COL18A1: variants seen among roughly 807,000 people sequenced by gnomAD.
The protein encoded by COL18A1 is collagen type XVIII alpha 1 chain.
COL18A1 carries 133 observed loss-of-function variants against 168.0 expected under a neutral mutation model. The observed-to-expected ratio is 0.79, with a 90% CI of 0.69 to 0.91. COL18A1 has a LOEUF of 0.91. Ranked by LOEUF, COL18A1 falls within the 40% of genes least tolerant of loss-of-function variation. The pLI is 0.00. For missense variants in COL18A1, 2,126 were observed against 1,925.4 expected, an observed-to-expected ratio of 1.10 and a Z score of -1.95; for synonymous variants, 949 against 809.0, an observed-to-expected ratio of 1.17 and a Z score of -2.94.
intron 2 of COL18A1, among the ~76,000 whole-genome samples, chr21:45,417,180 T>A (rs2033472623): frequency 6.6e-6 from 1 of 152,172 alleles, no homozygotes; most frequent in African/African-American, 2.4e-5. Context: ...CCCGCCCAGA[T>A]TCCCCAGGAG....
intron 2 of COL18A1, among the ~76,000 whole-genome samples, chr21:45,416,106 G>A (rs1288014691): frequency 5.3e-5 from 8 of 152,154 alleles, no homozygotes; most frequent in Non-Finnish European, 1.0e-4. Context: ...TGGCCACACC[G>A]GCCCTTCCTG....
Position 45,494,413 on chromosome 21 carries a change from G to A in COL18A1, c.2353-132G>A, listed in dbSNP as rs1441265653. 1.6e-5 allele frequency: 21 copies of A among 1,310,490 alleles called. 1 individual carries two copies. The highest frequency in any genetic ancestry group is 1.2e-4 in the East Asian group (5 of 42,468). The allele number at this position is 1,310,490 out of a possible 1,614,324, so 81.2% of individuals were successfully genotyped here. ...CCAGTGCACCCAAAGGGACCACAGC[G>A]GCCCTTAGGGAGGCTATCAGGTGGG... On this transcript the variant is annotated intron_variant, in intron 26 of 41. Coordinates refer to ENST00000651438, the MANE Select transcript of COL18A1 (RefSeq NM_001379500.1).
At chr21:45,507,150 TGGGAGGGCC>T (rs1313520386) in intron 37 of COL18A1, 2 of 116,946 alleles carry the variant, frequency 1.7e-5, no homozygotes, top group Non-Finnish European at 3.0e-5. Context: ...TCCTGTGGGC[TGGGAGGGCC>T]GGGTGTTGGG....
At position 45,490,876 on chromosome 21, in the gene COL18A1, G is replaced by A. The variant is rs749745502; in HGVS notation, c.2067+5G>A. ...AGAGGCAGCCGGGGAGAAAAGGTGA[G>A]TGTCCCTGGGGCGGGTGGATGGGGA... On this transcript the variant is annotated splice_donor_5th_base_variant and intron_variant, in intron 21 of 41. Coordinates refer to ENST00000651438, the MANE Select transcript of COL18A1 (RefSeq NM_001379500.1). 3.7e-5 allele frequency: 58 copies of A among 1,549,784 alleles called. 2 individuals are homozygous for A. The South Asian group carries it at 6.4e-4, about 17-fold the overall frequency.
chr21:45,492,743 T>TGCCCGCCACTGCCC, intron 24 of COL18A1, 30 bp downstream of exon 24: 1 of 1,007,950 alleles, frequency 9.9e-7, no homozygotes, highest in Non-Finnish European at 1.4e-6. Flanking sequence ...AGCTGCATGC[T>TGCCCGCCACTGCCC]GCCCGGCTGG....
chr21:45,438,324 C>T (rs539050921), intron 2 of COL18A1, among the ~76,000 whole-genome samples: 10 of 77,700 alleles, frequency 1.3e-4, no homozygotes, highest in African/African-American at 4.0e-4. Context: ...AGGCACTCTC[C>T]TGCACACACA....
At chr21:45,503,468 G>A (rs2036975392) in intron 32 of COL18A1, among the ~76,000 whole-genome samples, 1 of 152,014 alleles carries the variant, frequency 6.6e-6, no homozygotes, top group Non-Finnish European at 1.5e-5. Context: ...AAAAAATGAT[G>A]AGTTCATGTC....
chr21:45,439,492 G>A (rs553894600), intron 2 of COL18A1, among the ~76,000 whole-genome samples: 33 of 152,384 alleles, frequency 2.2e-4, no homozygotes, highest in African/African-American at 6.0e-4. Flanking sequence ...GAAACCAAGA[G>A]CAAAGTGAAC....
chr21:45,405,166 G>A lies in COL18A1; in HGVS notation c.-65G>A. 3.2e-6 allele frequency: 1 copy of A among 315,154 alleles called. No individual in the cohort carries two copies. Among genetic ancestry groups the A allele is most frequent in the Non-Finnish European group, 5.7e-6 (1 of 174,570 alleles). The allele number at this position is 315,154 out of a possible 1,614,324, so 19.5% of individuals were successfully genotyped here. On this transcript the variant is annotated 5_prime_UTR_variant, in exon 1 of 42. Transcript: ENST00000651438. Reference sequence around the variant, plus strand: ...CAGCGGCGGCGGCTGCAGCGCGGCGGTCCGAGCGGGTGCACCGCGGCGGAG... The same window carrying A: ...CAGCGGCGGCGGCTGCAGCGCGGCGATCCGAGCGGGTGCACCGCGGCGGAG...
intron 2 of COL18A1, among the ~76,000 whole-genome samples, chr21:45,417,844 G>T (rs2838914): frequency 6.6e-6 from 1 of 152,198 alleles, no homozygotes; most frequent in Non-Finnish European, 1.5e-5. Flanking sequence ...AGGGTGGGGA[G>T]AATTGCACCG....
At chr21:45,438,402 A>T (rs1304124812) in intron 2 of COL18A1, among the ~76,000 whole-genome samples, 3 of 151,866 alleles carry the variant, frequency 2.0e-5, no homozygotes, top group South Asian at 2.1e-4. Context: ...TCAGACCCTC[A>T]CACTCCAGGG....
Position 45,441,549 on chromosome 21 carries a change from C to T in COL18A1, c.107-26693C>T, listed in dbSNP as rs548613943. Among the ~76,000 whole-genome samples the T allele has an allele frequency of 7.2e-5, 11 of 152,316 alleles. No homozygotes were observed. The East Asian group carries it at 1.9e-3, about 27-fold the overall frequency. ...CACCGGGTCCTCCAGTCCTGCTGCCCGGTGGCTCTGGCCATGGTTCCCGTC... is the reference window on the plus strand; with the variant it reads ...CACCGGGTCCTCCAGTCCTGCTGCCTGGTGGCTCTGGCCATGGTTCCCGTC... On this transcript the variant is annotated intron_variant, in intron 2 of 41. Coordinates refer to ENST00000651438, the MANE Select transcript of COL18A1 (RefSeq NM_001379500.1).
intron 2 of COL18A1, among the ~76,000 whole-genome samples, chr21:45,428,215 G>A (rs938417659): frequency 6.6e-6 from 1 of 152,188 alleles, no homozygotes; most frequent in African/African-American, 2.4e-5. Flanking sequence ...GGAGCGTGTG[G>A]TGAGGGTGGC....
chr21:45,479,177 C>CGT (rs201015636), intron 9 of COL18A1, among the ~76,000 whole-genome samples: 6 of 137,498 alleles, frequency 4.4e-5, no homozygotes, highest in Non-Finnish European at 9.7e-5. Flanking sequence ...TGTGACTGCG[C>CGT]GTGTGTGTGG....
chr21:45,434,631 G>A (rs2034050569), intron 2 of COL18A1, among the ~76,000 whole-genome samples: 1 of 152,186 alleles, frequency 6.6e-6, no homozygotes, highest in African/African-American at 2.4e-5. Context: ...CTCCTCAGAG[G>A]GTGGCAGAGG....
At chr21:45,452,102 G>T (rs1456955080) in intron 2 of COL18A1, among the ~76,000 whole-genome samples, 1 of 152,376 alleles carries the variant, frequency 6.6e-6, no homozygotes, top group East Asian at 1.9e-4. Context: ...AAGAGGCCAT[G>T]CCGAAACCCT....
chr21:45,423,000 G>A (rs558327201), intron 2 of COL18A1, among the ~76,000 whole-genome samples: 1 of 152,210 alleles, frequency 6.6e-6, no homozygotes, highest in South Asian at 2.1e-4. Context: ...TTTTAGTAGA[G>A]ACAAGGTTTC....
chr21:45,512,469 G>T lies in COL18A1; in HGVS notation c.*71G>T, dbSNP rs8199. On this transcript the variant is annotated 3_prime_UTR_variant, in exon 42 of 42. Transcript: ENST00000651438. The stretch of plus-strand genomic sequence containing the variant: ...GAAGCCCCCACCGTGGGCAGGGAGC[G>T]GCCGGCCAGCCCCTGGCCCCAGGAC... 14 of 1,483,644 alleles carry T rather than the reference G, an allele frequency of 9.4e-6. No homozygotes were observed. Among genetic ancestry groups the T allele is most frequent in the Non-Finnish European group, 9.2e-7 (1 of 1,087,008 alleles). The allele number at this position is 1,483,644 out of a possible 1,614,324, so 91.9% of individuals were successfully genotyped here.
Position 45,473,871 on chromosome 21 carries a change from A to G in COL18A1, c.652-24A>G. ...CACTGCCACCTCAGGACCGCTGGTGACCCCTTTCTCTGTCTGCATTTAGGG... is the reference window on the plus strand; with the variant it reads ...CACTGCCACCTCAGGACCGCTGGTGGCCCCTTTCTCTGTCTGCATTTAGGG... On this transcript the variant is annotated intron_variant, in intron 3 of 41. Coordinates refer to ENST00000651438, the MANE Select transcript of COL18A1 (RefSeq NM_001379500.1). The surrounding 1 kb of genome is among the most constrained non-coding windows in gnomAD (Gnocchi z 4.0). 4 of 1,574,532 alleles carry G rather than the reference A, an allele frequency of 2.5e-6. No homozygotes were observed. The highest frequency in any genetic ancestry group is 2.4e-5 in the East Asian group (1 of 42,504).
Sources: allele counts gnomAD v4.1 joint callset (sites outside exome capture counted in the v4.1 genomes callset), GRCh38; gene constraint gnomAD v4.1.1; non-coding constraint Gnocchi (gnomAD v3.1); transcripts MANE v1.5; gene names NCBI Gene and HGNC (gene_info 2026-07-23, HGNC 2026-07-21).